The following DTNB variants were observed in gnomAD, a reference collection of about 807,000 sequenced individuals.
DTNB encodes the protein dystrobrevin beta, also known as DTN-B.
In DTNB, 63 loss-of-function variants were observed where a neutral mutation model predicts 90.7. The observed-to-expected ratio is 0.69, with a 90% CI of 0.57 to 0.86. The LOEUF (loss-of-function observed/expected upper bound fraction) is 0.86, where lower values mean the gene tolerates loss of function less well. Ranked by LOEUF, DTNB falls within the 40% of genes least tolerant of loss-of-function variation. The pLI, the probability that DTNB is intolerant of heterozygous loss-of-function variation, is 0.00. For synonymous variants in DTNB, 277 were observed against 286.7 expected, an observed-to-expected ratio of 0.97 and a Z score of 0.34; for missense variants, 744 against 807.1, an observed-to-expected ratio of 0.92 and a Z score of 0.95.
At position 25,580,270 on chromosome 2, in the gene DTNB, C is replaced by T. The variant is rs996742612; in HGVS notation, c.709+451G>A. Among the ~76,000 whole-genome samples the T allele has an allele frequency of 3.9e-5, 6 of 152,052 alleles. No homozygotes were observed. The East Asian group carries it at 9.6e-4, about 24-fold the overall frequency. ...TGCTGGAATTACAGGTGTGAGCCACCATGCCCAGCCTACTTCTTGGTATCC... is the reference window on the plus strand; with the variant it reads ...TGCTGGAATTACAGGTGTGAGCCACTATGCCCAGCCTACTTCTTGGTATCC... On this transcript the variant is annotated intron_variant, in intron 7 of 20. Coordinates refer to ENST00000406818, the MANE Select transcript of DTNB (RefSeq NM_021907.5).
rs575984297 is a variant in DTNB at position 25,390,911 on chromosome 2, T to C, written c.1576-2550A>G. ...AGGTAATGACTTTTTTTTTTTTTTT[T>C]TTTGAGACGGAGTCTTGCTCTGTTG... On this transcript the variant is annotated intron_variant, in intron 16 of 20. Transcript: ENST00000406818. Among the ~76,000 whole-genome samples, 576 of 151,120 alleles carry C rather than the reference T, an allele frequency of 3.8e-3. 1 individual carries two copies. The highest frequency in any genetic ancestry group is 0.013 in the African/African-American group (549 of 41,154).
chr2:25,407,941 C>G lies in DTNB; in HGVS notation c.1575+11574G>C, dbSNP rs145078611. Among the ~76,000 whole-genome samples the G allele has an allele frequency of 3.7e-4, 56 of 152,256 alleles. 1 individual carries two copies. The highest frequency in any genetic ancestry group is 1.3e-3 in the African/African-American group (54 of 41,544). On this transcript the variant is annotated intron_variant, in intron 16 of 20. Transcript: ENST00000406818. ...CTGTTGTAATAAAAAAAATATTTAA[C>G]AAAGTACCACTTGACTGGGCACGGT... is the stretch of plus-strand genomic sequence containing the variant.
rs116083178 is a variant in DTNB at position 25,600,498 on chromosome 2, A to G, written c.449-4258T>C. 6.1e-3 allele frequency among the ~76,000 whole-genome samples: 934 copies of G among 152,354 alleles called. 10 individuals are homozygous for G. Among genetic ancestry groups the G allele is most frequent in the African/African-American group, 0.021 (872 of 41,580 alleles). On this transcript the variant is annotated intron_variant, in intron 5 of 20. Coordinates refer to ENST00000406818, the MANE Select transcript of DTNB (RefSeq NM_021907.5). ...AGGACAGCCATAAGTCAGGGTACCA[A>G]CTTTGAACTTCTCAGCGTTTGGACT... is the stretch of plus-strand genomic sequence containing the variant.
At chr2:25,505,606 C>T (rs2072196351) in intron 9 of DTNB, among the ~76,000 whole-genome samples, 1 of 152,014 alleles carries the variant, frequency 6.6e-6, no homozygotes. Flanking sequence ...GAAAGATCAA[C>T]TTATATTTGG....
chr2:25,403,459 C>T (rs1005848223), intron 16 of DTNB, among the ~76,000 whole-genome samples: 3 of 152,176 alleles, frequency 2.0e-5, no homozygotes, highest in African/African-American at 7.2e-5. Flanking sequence ...AGCCAGTTCT[C>T]TGCAAAATGA....
chr2:25,409,612 A>G (rs191487655), intron 16 of DTNB, among the ~76,000 whole-genome samples: 1 of 152,050 alleles, frequency 6.6e-6, no homozygotes, highest in African/African-American at 2.4e-5. Flanking sequence ...ACACTTTACT[A>G]CTCTATTGAA....
At position 25,673,448 on chromosome 2, in the gene DTNB, G is replaced by A; in HGVS notation, c.-64C>T. 1 of 151,152 alleles carries A rather than the reference G, an allele frequency of 6.6e-6. No homozygotes were observed. The highest frequency in any genetic ancestry group is 1.5e-5 in the Non-Finnish European group (1 of 67,664). The allele number at this position is 151,152 out of a possible 1,614,324, so 9.4% of individuals were successfully genotyped here. ...AGGTCTCCTGCGGCCTCACTCCTCC[G>A]CACGCTCCGGCCCAGCCCCCTCGGC... On this transcript the variant is annotated 5_prime_UTR_variant, in exon 1 of 21. Transcript: ENST00000406818.
At chr2:25,592,784 A>C (rs2063809166) in intron 6 of DTNB, among the ~76,000 whole-genome samples, 1 of 152,192 alleles carries the variant, frequency 6.6e-6, no homozygotes, top group South Asian at 2.1e-4. Context: ...TATGAGGAAA[A>C]CAGAGTTGGA....
chr2:25,415,822 C>T (rs1219856285), intron 16 of DTNB, among the ~76,000 whole-genome samples: 1 of 152,136 alleles, frequency 6.6e-6, no homozygotes, highest in Non-Finnish European at 1.5e-5. Flanking sequence ...AGCTCCTGGA[C>T]CCTTCTGGAA....
rs2039928825 is a variant in DTNB, at chr2:25,387,782, T to C, written c.1736-404A>G. Among the ~76,000 whole-genome samples, 1 of 152,152 alleles carries C rather than the reference T, an allele frequency of 6.6e-6. No individual in the cohort carries two copies. The highest frequency in any genetic ancestry group is 1.5e-5 in the Non-Finnish European group (1 of 68,022). The stretch of plus-strand genomic sequence containing the variant: ...TCCCTCTGAATCCCCACCCAACTAC[T>C]TAATACTGCTGGTCACCAGCTCCCC... On this transcript the variant is annotated intron_variant, in intron 17 of 20. Transcript: ENST00000406818. The surrounding 1 kb of genome is among the most constrained non-coding windows in gnomAD (Gnocchi z 4.5).
chr2:25,580,027 G>A (rs1430511438), intron 7 of DTNB, among the ~76,000 whole-genome samples: 2 of 143,846 alleles, frequency 1.4e-5, no homozygotes. Flanking sequence ...CTGTCACCCA[G>A]GCTGGATGCA....
chr2:25,511,808 C>T (rs886180660), intron 9 of DTNB, among the ~76,000 whole-genome samples: 6 of 151,996 alleles, frequency 3.9e-5, no homozygotes, highest in Non-Finnish European at 7.4e-5. Flanking sequence ...AAGCTCTTCA[C>T]AAGAATGTTT....
rs549171752 is a variant in DTNB at position 25,570,280 on chromosome 2, C to T, written c.876+6558G>A. On this transcript the variant is annotated intron_variant, in intron 8 of 20. Coordinates refer to ENST00000406818, the MANE Select transcript of DTNB (RefSeq NM_021907.5). Reference sequence around the variant, plus strand: ...AAAATTATCTGGGAATGGTGGCACACGACTGTAGTCCCAGCTACTCAGGAG... The same window carrying T: ...AAAATTATCTGGGAATGGTGGCACATGACTGTAGTCCCAGCTACTCAGGAG... 1.5e-4 allele frequency among the ~76,000 whole-genome samples: 23 copies of T among 151,510 alleles called. No individual in the cohort carries two copies. The East Asian group carries it at 2.5e-3, about 17-fold the overall frequency.
At chr2:25,598,429 G>A (rs933667779) in intron 5 of DTNB, among the ~76,000 whole-genome samples, 5 of 152,192 alleles carry the variant, frequency 3.3e-5, no homozygotes, top group African/African-American at 7.2e-5. Context: ...CTTTGTTTAC[G>A]ATACTGTTAT....
intron 14 of DTNB, 100 bp downstream of exon 14, chr2:25,432,786 T>C: frequency 8.0e-7 from 1 of 1,245,386 alleles, no homozygotes. Flanking sequence ...CAGGATTGTT[T>C]ATACTGAACA....
intron 6 of DTNB, among the ~76,000 whole-genome samples, chr2:25,590,903 C>T (rs562841067): frequency 3.9e-5 from 6 of 152,348 alleles, no homozygotes; most frequent in South Asian, 2.1e-4. Flanking sequence ...CTGTTCATGG[C>T]ACCCAGGTGT....
rs62128547 is a variant in DTNB, at chr2:25,505,075, G to A, written c.1002-22202C>T. Among the ~76,000 whole-genome samples the A allele has an allele frequency of 7.4e-3, 1,131 of 152,228 alleles. 14 individuals are homozygous for A. The highest frequency in any genetic ancestry group is 6.0e-3 in the Non-Finnish European group (410 of 68,012). On this transcript the variant is annotated intron_variant, in intron 9 of 20. Coordinates refer to ENST00000406818, the MANE Select transcript of DTNB (RefSeq NM_021907.5). ...TTCATAATTGATATCTGAAATGATT[G>A]GCTTTGAAAAAGTTTCTAAGCCTAA...
chr2:25,512,553 A>T (rs1307095271), intron 9 of DTNB, among the ~76,000 whole-genome samples: 2 of 152,232 alleles, frequency 1.3e-5, no homozygotes, highest in Non-Finnish European at 2.9e-5. Context: ...AGAAATCCTT[A>T]AGGAAAGAGA....
intron 8 of DTNB, among the ~76,000 whole-genome samples, chr2:25,563,831 G>T (rs2058608793): frequency 6.6e-6 from 1 of 152,162 alleles, no homozygotes; most frequent in Non-Finnish European, 1.5e-5. Flanking sequence ...GATTACTATT[G>T]CTTTGAAGTA....
Sources: allele counts gnomAD v4.1 joint callset (sites outside exome capture counted in the v4.1 genomes callset), GRCh38; gene constraint gnomAD v4.1.1; non-coding constraint Gnocchi (gnomAD v3.1); transcripts MANE v1.5; gene names NCBI Gene and HGNC (gene_info 2026-07-23, HGNC 2026-07-21).